The following PSMD7 variants were observed in gnomAD, a reference collection of about 807,000 sequenced individuals.
The protein encoded by PSMD7 is proteasome 26S subunit, non-ATPase 7.
A neutral mutation model predicts 36.4 loss-of-function variants in PSMD7; 13 were observed. The ratio of observed to expected loss-of-function variants is 0.36; its 90% CI spans 0.23 to 0.57. The LOEUF (loss-of-function observed/expected upper bound fraction) is 0.57. Among genes scored for constraint, PSMD7 ranks in the 20% least tolerant of loss-of-function variants. The pLI, the probability that PSMD7 is intolerant of heterozygous loss-of-function variation, is 0.83. For synonymous variants in PSMD7, 186 were observed against 151.0 expected, an observed-to-expected ratio of 1.23 and a Z score of -1.70; for missense variants, 298 against 393.6, an observed-to-expected ratio of 0.76 and a Z score of 2.06.
chr16:74,301,157 G>T lies in PSMD7; in HGVS notation c.259+13G>T. On this transcript the variant is annotated intron_variant, in intron 3 of 6. Transcript: ENST00000219313. ...AAGAAAGTCAATGGTATGTCTTGAT[G>T]TTCTAAGGTGTTACAGCATAGAATT... 1 of 1,556,592 alleles carries T rather than the reference G, an allele frequency of 6.4e-7. No homozygotes were observed. Among genetic ancestry groups the T allele is most frequent in the Non-Finnish European group, 8.8e-7 (1 of 1,131,326 alleles).
chr16:74,303,775 G>A (rs1597119581), intron 5 of PSMD7, among the ~76,000 whole-genome samples: 1 of 151,702 alleles, frequency 6.6e-6, no homozygotes, highest in East Asian at 1.9e-4. Flanking sequence ...AGGTTGGAGT[G>A]CAGTGGCGTG....
rs1367465426 is a variant in PSMD7 at position 74,302,286 on chromosome 16, C to A, written c.432C>A (p.Val144=). ...AAGCGTACATTTCAGTGGAAGAAGT[C>A]CATGATGTAAGTCATCTTGCTATGA... ...PTEAYISVEE[V]HDDGTPTSKT... Residue 144 remains valine, a synonymous_variant, in exon 5 of 7, where the codon GTC becomes GTA. Transcript: ENST00000219313. The A allele has an allele frequency of 6.2e-7, 1 of 1,613,524 alleles. No individual in the cohort carries two copies. Among genetic ancestry groups the A allele is most frequent in the Non-Finnish European group, 8.5e-7 (1 of 1,179,682 alleles).
chr16:74,301,170 A>G (rs2142563186), intron 3 of PSMD7, 26 bp downstream of exon 3: 2 of 1,517,560 alleles, frequency 1.3e-6, no homozygotes, highest in East Asian at 4.5e-5. Flanking sequence ...CTAAGGTGTT[A>G]CAGCATAGAA....
At chr16:74,305,069 G>T in intron 6 of PSMD7, 1 of 615,210 alleles carries the variant, frequency 1.6e-6, no homozygotes, top group Non-Finnish European at 2.5e-6. Context: ...ATTGTTTTTT[G>T]AAAAATGTCC....
At chr16:74,299,700 A>T (rs975610947) in intron 1 of PSMD7, 2 of 348,642 alleles carry the variant, frequency 5.7e-6, no homozygotes, top group East Asian at 1.6e-4. Flanking sequence ...GGCCTACTCC[A>T]TCATCTTTAT....
rs2034194397 is a variant in PSMD7, at chr16:74,306,022, C to T, written c.*289C>T. ...AGTCAACAAATATTTTGGTACTCTT[C>T]ATTCATTTATCTCTAAAACCAGGAG... On this transcript the variant is annotated 3_prime_UTR_variant, in exon 7 of 7. Coordinates refer to ENST00000219313, the MANE Select transcript of PSMD7 (RefSeq NM_002811.5). 4.0e-6 allele frequency: 1 copy of T among 248,212 alleles called. No homozygotes were observed. Among genetic ancestry groups the T allele is most frequent in the African/African-American group, 2.2e-5 (1 of 45,206 alleles). The allele number at this position is 248,212 out of a possible 1,614,324, so 15.4% of individuals were successfully genotyped here.
At chr16:74,301,442 CTGGAAT>C (rs2034154228) in intron 3 of PSMD7, 107 bp from the exon 4 acceptor site, 21 of 769,282 alleles carry the variant, frequency 2.7e-5, no homozygotes, top group Non-Finnish European at 4.4e-5. Context: ...GTAAATATGT[CTGGAAT>C]TTTCAAAGAG....
chr16:74,302,642 C>T (rs1045543286), intron 5 of PSMD7, among the ~76,000 whole-genome samples: 2 of 152,050 alleles, frequency 1.3e-5, no homozygotes, highest in African/African-American at 4.8e-5. Context: ...ACTCAGGAGG[C>T]TGAGACGGGA....
At chr16:74,301,488 C>A (rs561716957) in intron 3 of PSMD7, 67 bp from the exon 4 acceptor site, 8 of 1,201,606 alleles carry the variant, frequency 6.7e-6, no homozygotes, top group Non-Finnish European at 9.8e-6. Context: ...ATGTTCTTAT[C>A]CTTTTTGAGG....
intron 3 of PSMD7, 117 bp downstream of exon 3, chr16:74,301,261 C>G: frequency 1.4e-6 from 1 of 707,746 alleles, no homozygotes; most frequent in East Asian, 2.7e-5. Flanking sequence ...TTCAGTAAGA[C>G]TAGTGGTAGT....
chr16:74,301,563 A>G lies in PSMD7; in HGVS notation c.268A>G (p.Arg90Gly), dbSNP rs772039579. 1.3e-5 allele frequency: 21 copies of G among 1,611,814 alleles called. No individual in the cohort carries two copies. The highest frequency in any genetic ancestry group is 1.8e-5 in the Non-Finnish European group (21 of 1,178,370). ...ATTTTTTTCCTTCCTAGCCAGGGAA[A>G]GAATAGTTGGCTGGTACCACACAGG... ...GMFKKVNARE[R>G]IVGWYHTGPK... Residue 90 changes from arginine to glycine, a missense_variant, in exon 4 of 7, where the codon AGA becomes GGA. Coordinates refer to ENST00000219313, the MANE Select transcript of PSMD7 (RefSeq NM_002811.5).
In PSMD7 at chr16:74,300,583, G is replaced by A. The variant is rs1256014814; in HGVS notation, c.166+377G>A. ...TAGGTACAGTAAGGAGAGAGATGGG[G>A]AACTTTACCCCTTTATGTGAATCCT... On this transcript the variant is annotated intron_variant, in intron 2 of 6. Transcript: ENST00000219313. The A allele has an allele frequency of 2.6e-5, 7 of 266,824 alleles. No homozygotes were observed. The South Asian group carries it at 3.5e-4, about 13-fold the overall frequency. The allele number at this position is 266,824 out of a possible 1,614,324, so 16.5% of individuals were successfully genotyped here. A position where few individuals can be genotyped will look rare whatever the true frequency, so the allele number is the denominator to read the frequency against.
intron 5 of PSMD7, among the ~76,000 whole-genome samples, chr16:74,303,437 T>C (rs958634813): frequency 2.0e-5 from 3 of 152,160 alleles, no homozygotes; most frequent in African/African-American, 7.2e-5. Context: ...TTACAGACAG[T>C]TTACAGCCTT....
intron 5 of PSMD7, among the ~76,000 whole-genome samples, chr16:74,303,338 G>A (rs1042200483): frequency 2.6e-5 from 4 of 152,144 alleles, no homozygotes; most frequent in East Asian, 3.9e-4. Context: ...CTTGGAGCTC[G>A]CCTATTACAT....
intron 5 of PSMD7, among the ~76,000 whole-genome samples, chr16:74,302,862 A>G (rs1475683344): frequency 6.6e-6 from 1 of 152,222 alleles, no homozygotes; most frequent in Non-Finnish European, 1.5e-5. Context: ...TAAGATTTAG[A>G]AAAGGGTATT....
chr16:74,297,866 G>A (rs1268286400), intron 1 of PSMD7, among the ~76,000 whole-genome samples: 1 of 152,118 alleles, frequency 6.6e-6, no homozygotes, highest in African/African-American at 2.4e-5. Flanking sequence ...ATCGAAATCT[G>A]GATGATGCTC....
At chr16:74,302,403 G>C (rs1382765763) in intron 5 of PSMD7, 111 bp downstream of exon 5, 17 of 891,750 alleles carry the variant, frequency 1.9e-5, no homozygotes, top group South Asian at 4.9e-5. Context: ...AACAAAAGAA[G>C]GTAGTTTTTT....
intron 5 of PSMD7, 28 bp downstream of exon 5, chr16:74,302,320 G>A (rs2034162140): frequency 1.9e-6 from 3 of 1,570,502 alleles, no homozygotes; most frequent in African/African-American, 1.4e-5. Flanking sequence ...GAACCTGGGA[G>A]GTTAGACTGC....
chr16:74,297,732 G>C (rs2034124646), intron 1 of PSMD7, among the ~76,000 whole-genome samples: 1 of 150,670 alleles, frequency 6.6e-6, no homozygotes, highest in Non-Finnish European at 1.5e-5. Flanking sequence ...AAATGTGAAT[G>C]ATGCAAAGTG....
Sources: gnomAD v4.1 joint callset for allele counts (sites outside exome capture counted in the v4.1 genomes callset) on GRCh38, gnomAD v4.1.1 for gene constraint, MANE v1.5 for transcripts, NCBI Gene and HGNC (gene_info 2026-07-23, HGNC 2026-07-21) for gene names.